Variants in ADGRV1 observed in about 807,000 individuals in gnomAD.
The protein encoded by ADGRV1 is adhesion G protein-coupled receptor V1.
A neutral mutation model predicts 596.2 loss-of-function variants in ADGRV1; 359 were observed. That is an observed-to-expected ratio of 0.60 (90% CI 0.55 to 0.66). The LOEUF (loss-of-function observed/expected upper bound fraction) is 0.66, where lower values mean the gene tolerates loss of function less well. ADGRV1 is among the 30% of genes least tolerant of loss of function. The pLI is 0.00. For synonymous variants in ADGRV1, 2,681 were observed against 2,679.2 expected, an observed-to-expected ratio of 1.00 and a Z score of -0.02; for missense variants, 7,274 against 7,575.6, an observed-to-expected ratio of 0.96 and a Z score of 1.48.
intron 85 of ADGRV1, among the ~76,000 whole-genome samples, chr5:90,999,170 C>T (rs985112834): frequency 2.0e-5 from 3 of 151,784 alleles, no homozygotes. Flanking sequence ...TTTTGTCTCT[C>T]CTGAATTTTT....
intron 1 of ADGRV1, among the ~76,000 whole-genome samples, chr5:90,573,967 C>T (rs1037554491): frequency 1.3e-5 from 2 of 150,630 alleles, no homozygotes; most frequent in Non-Finnish European, 2.9e-5. Flanking sequence ...TGTAGGTATG[C>T]AGCTTTATTT....
At chr5:91,117,619 A>G (rs1469224005) in intron 87 of ADGRV1, among the ~76,000 whole-genome samples, 1 of 152,184 alleles carries the variant, frequency 6.6e-6, no homozygotes, top group Non-Finnish European at 1.5e-5. Context: ...AAAGAAGAGT[A>G]CCTTTTGTAT....
intron 83 of ADGRV1, among the ~76,000 whole-genome samples, chr5:90,894,334 T>C (rs1472968503): frequency 1.3e-5 from 2 of 152,180 alleles, no homozygotes; most frequent in Admixed American, 6.6e-5. Flanking sequence ...ACTGCCTCAT[T>C]CTCTGCTGTT....
At chr5:90,658,678 T>TTA (rs960059179) in intron 21 of ADGRV1, among the ~76,000 whole-genome samples, 14 of 11,976 alleles carry the variant, frequency 1.2e-3, no homozygotes, top group Middle Eastern at 0.038. Context: ...GATTTTTTGA[T>TTA]TTTTTTTTTT....
chr5:90,936,127 G>A, intron 83 of ADGRV1, among the ~76,000 whole-genome samples: 1 of 152,180 alleles, frequency 6.6e-6, no homozygotes, highest in Non-Finnish European at 1.5e-5. Context: ...ATTGCTCTAT[G>A]TGGTGCAGAA....
Position 90,651,634 on chromosome 5 carries a change from C to G in ADGRV1, c.3320C>G (p.Ala1107Gly), listed in dbSNP as rs1273791945. The G allele has an allele frequency of 2.4e-5, 39 of 1,606,190 alleles. No homozygotes were observed. The Admixed American group carries it at 6.5e-4, about 27-fold the overall frequency. ...GDTVVYQYGV[A>G]TVIIEANDDP... is the part of the protein sequence containing the mutation. ...ACAGTAGTATATCAATATGGAGTAG[C>G]TACAGTAATAATTGAAGCTAATGAT... The change falls in exon 18 of 90, where the codon GCT becomes GGT. Residue 1107 changes from alanine (A) to glycine (G), a missense_variant. By Grantham distance (60) the Ala-to-Gly change is moderately conservative. Around this residue, in one of 5 missense-constraint regions of ADGRV1, gnomAD observed 1,715 missense variants for 1,708.8 expected, o/e 1.00. Coordinates refer to ENST00000405460, the MANE Select transcript of ADGRV1 (RefSeq NM_032119.4).
intron 83 of ADGRV1, among the ~76,000 whole-genome samples, chr5:90,924,546 G>A (rs1216711406): frequency 1.3e-5 from 2 of 151,044 alleles, no homozygotes; most frequent in Non-Finnish European, 3.0e-5. Flanking sequence ...TTTGTCAGAT[G>A]AGTAGGTTGT....
At chr5:91,008,336 T>C (rs1021888768) in intron 85 of ADGRV1, among the ~76,000 whole-genome samples, 15 of 152,000 alleles carry the variant, frequency 9.9e-5, no homozygotes, top group East Asian at 1.9e-4. Flanking sequence ...GACCACAGAA[T>C]TGGAAAGAGA....
intron 85 of ADGRV1, among the ~76,000 whole-genome samples, chr5:91,060,160 C>G (rs1286894706): frequency 6.6e-6 from 1 of 152,010 alleles, no homozygotes; most frequent in Non-Finnish European, 1.5e-5. Context: ...CTCACACTGT[C>G]ACTGTTTTCT....
At chr5:91,000,748 T>C (rs1264000449) in intron 85 of ADGRV1, among the ~76,000 whole-genome samples, 1 of 150,406 alleles carries the variant, frequency 6.6e-6, no homozygotes, top group Non-Finnish European at 1.5e-5. Context: ...CACACTGTCA[T>C]GGAGGCCAGC....
chr5:90,884,590 G>A (rs1344080744), intron 83 of ADGRV1, among the ~76,000 whole-genome samples: 2 of 152,080 alleles, frequency 1.3e-5, no homozygotes, highest in Non-Finnish European at 1.5e-5. Context: ...TTAATTGCCT[G>A]ATCACTCTAA....
At chr5:90,688,673 G>C (rs1481832455) in intron 29 of ADGRV1, among the ~76,000 whole-genome samples, 1 of 152,114 alleles carries the variant, frequency 6.6e-6, no homozygotes, top group African/African-American at 2.4e-5. Flanking sequence ...TTTGCAAAAA[G>C]TTTTGGCCAA....
chr5:90,695,237 G>A (rs368056396), intron 33 of ADGRV1, among the ~76,000 whole-genome samples: 1 of 152,036 alleles, frequency 6.6e-6, no homozygotes, highest in Non-Finnish European at 1.5e-5. Context: ...TTATAATACT[G>A]TTCCTACACT....
At chr5:91,058,649 T>C (rs1183048481) in intron 85 of ADGRV1, among the ~76,000 whole-genome samples, 1 of 152,148 alleles carries the variant, frequency 6.6e-6, no homozygotes, top group Non-Finnish European at 1.5e-5. Context: ...TGGTGTCATG[T>C]TGGGCTTCCT....
chr5:91,011,007 A>C (rs1330551491), intron 85 of ADGRV1, among the ~76,000 whole-genome samples: 3 of 152,134 alleles, frequency 2.0e-5, no homozygotes, highest in East Asian at 3.9e-4. Flanking sequence ...TTTATGTTAC[A>C]ATTGTTAATA....
chr5:90,594,034 A>G (rs543111166), intron 1 of ADGRV1, among the ~76,000 whole-genome samples: 2 of 152,186 alleles, frequency 1.3e-5, no homozygotes, highest in African/African-American at 2.4e-5. Context: ...AGCAAACACA[A>G]GTGTTTGTAA....
At chr5:90,813,688 G>A (rs1416235651) in intron 74 of ADGRV1, among the ~76,000 whole-genome samples, 1 of 152,100 alleles carries the variant, frequency 6.6e-6, no homozygotes, top group African/African-American at 2.4e-5. Context: ...CATTCACGTG[G>A]TCATAATACC....
At chr5:91,162,993 A>C (rs527418413) in intron 89 of ADGRV1, among the ~76,000 whole-genome samples, 57 of 152,266 alleles carry the variant, frequency 3.7e-4, no homozygotes, top group Non-Finnish European at 6.6e-4. Context: ...AGAGAGGATG[A>C]GAGTTTATGT....
At chr5:91,111,496 A>C (rs540790987) in intron 87 of ADGRV1, among the ~76,000 whole-genome samples, 1 of 152,218 alleles carries the variant, frequency 6.6e-6, no homozygotes, top group East Asian at 1.9e-4. Context: ...AGAAGGGTTC[A>C]GTGCAGGTGT....
Sources: allele counts gnomAD v4.1 joint callset (sites outside exome capture counted in the v4.1 genomes callset), GRCh38; gene constraint gnomAD v4.1.1; regional missense constraint gnomAD v4.1.1; transcripts MANE v1.5; gene names NCBI Gene and HGNC (gene_info 2026-07-23, HGNC 2026-07-21).